The following CENPP variants were observed in gnomAD, a reference collection of about 807,000 sequenced individuals.
The protein encoded by CENPP is centromere protein P.
A neutral mutation model predicts 35.6 loss-of-function variants in CENPP; 24 were observed. The observed-to-expected ratio is 0.67, with a 90% CI of 0.49 to 0.95. CENPP has a LOEUF of 0.95. Among genes scored for constraint, CENPP ranks in the 40% least tolerant of loss-of-function variants. The pLI, the probability that CENPP is intolerant of heterozygous loss-of-function variation, is 0.00. For missense variants in CENPP, 332 were observed against 345.3 expected (o/e 0.96, Z 0.31); for synonymous variants, 120 against 125.5 (o/e 0.96, Z 0.29).
At chr9:92,370,718 G>A (rs752161776) in intron 4 of CENPP, among the ~76,000 whole-genome samples, 64 of 152,266 alleles carry the variant, frequency 4.2e-4, no homozygotes, top group Non-Finnish European at 5.9e-4. Flanking sequence ...CTGTCCTCAG[G>A]TGATCCACCT....
intron 5 of CENPP, chr9:92,457,215 A>G: frequency 6.5e-7 from 1 of 1,544,884 alleles, no homozygotes; most frequent in Non-Finnish European, 8.8e-7. Context: ...TACCATTATT[A>G]ATAGAGTTCA....
chr9:92,383,292 T>C (rs926627789), intron 5 of CENPP, among the ~76,000 whole-genome samples: 4 of 152,286 alleles, frequency 2.6e-5, no homozygotes, highest in Admixed American at 2.6e-4. Context: ...ATTCTTCTCT[T>C]TATTTGGGGG....
intron 5 of CENPP, among the ~76,000 whole-genome samples, chr9:92,598,712 A>T (rs971623014): frequency 2.0e-5 from 3 of 152,012 alleles, no homozygotes; most frequent in African/African-American, 7.3e-5. Context: ...AATGAAATTT[A>T]AATATTCAGT....
chr9:92,334,922 C>T (rs950965192), intron 2 of CENPP, among the ~76,000 whole-genome samples: 4 of 151,766 alleles, frequency 2.6e-5, no homozygotes, highest in Non-Finnish European at 5.9e-5. Context: ...TGTGGTGGCT[C>T]ATACCTGTAG....
At chr9:92,461,800 T>G (rs986715104) in intron 5 of CENPP, among the ~76,000 whole-genome samples, 3 of 152,180 alleles carry the variant, frequency 2.0e-5, no homozygotes, top group African/African-American at 7.2e-5. Flanking sequence ...TTTAGTTACT[T>G]TGTAAGATTG....
chr9:92,602,309 A>C (rs1267328914), intron 5 of CENPP, among the ~76,000 whole-genome samples: 2 of 152,210 alleles, frequency 1.3e-5, no homozygotes, highest in East Asian at 3.8e-4. Context: ...GGAATGATGG[A>C]AACGGAAAGC....
chr9:92,415,083 T>C, intron 5 of CENPP: 1 of 1,167,498 alleles, frequency 8.6e-7, no homozygotes, highest in South Asian at 1.6e-5. Context: ...GTAATACATG[T>C]TTACTTAGAT....
chr9:92,499,139 T>C (rs959049428), intron 5 of CENPP, among the ~76,000 whole-genome samples: 4 of 152,216 alleles, frequency 2.6e-5, no homozygotes, highest in African/African-American at 4.8e-5. Context: ...AAGAGCCAGT[T>C]TGAATGGCGA....
chr9:92,477,618 G>A (rs1033904151), intron 5 of CENPP, among the ~76,000 whole-genome samples: 32 of 151,870 alleles, frequency 2.1e-4, no homozygotes, highest in African/African-American at 6.8e-4. Flanking sequence ...TTATTCAGTG[G>A]GCATTTACCA....
chr9:92,613,017 A>G lies in CENPP; in HGVS notation c.737-2A>G. 6.2e-7 allele frequency: 1 copy of G among 1,614,038 alleles called. No individual in the cohort carries two copies. The highest frequency in any genetic ancestry group is 8.5e-7 in the Non-Finnish European group (1 of 1,179,986). ...TTACCCGGTTTAATGTTTTCTTTAT[A>G]GCCCTGGAGCTGGACAAGAACAGAG... On this transcript the variant is annotated splice_acceptor_variant, in intron 7 of 7. Transcript: ENST00000375587. LOFTEE classifies it high-confidence loss of function.
chr9:92,412,975 CTTTTTT>C (rs35323105), intron 5 of CENPP, among the ~76,000 whole-genome samples: 1 of 45,244 alleles, frequency 2.2e-5, no homozygotes, highest in Non-Finnish European at 3.9e-5. Context: ...TGTAACTAAG[CTTTTTT>C]TTTTTTTTTT....
intron 4 of CENPP, among the ~76,000 whole-genome samples, chr9:92,356,862 G>A (rs552572410): frequency 6.6e-5 from 10 of 152,224 alleles, no homozygotes; most frequent in Admixed American, 3.3e-4. Context: ...TTCCTCTGCC[G>A]CAGCTCCAGC....
intron 5 of CENPP, among the ~76,000 whole-genome samples, chr9:92,455,331 A>C (rs1844841522): frequency 6.6e-6 from 1 of 152,156 alleles, no homozygotes; most frequent in African/African-American, 2.4e-5. Flanking sequence ...TTGTGGCTAC[A>C]GTGTGCTATG....
intron 5 of CENPP, chr9:92,393,006 C>A: frequency 1.8e-6 from 2 of 1,126,208 alleles, no homozygotes; most frequent in Admixed American, 2.4e-5. Context: ...TGATAGGCAG[C>A]AACTATATAG....
chr9:92,385,205 A>C (rs1158619581), intron 5 of CENPP: 1 of 154,700 alleles, frequency 6.5e-6, no homozygotes, highest in African/African-American at 2.4e-5. Context: ...TAGCTTTTCA[A>C]AGTTTTTGGA....
intron 4 of CENPP, among the ~76,000 whole-genome samples, chr9:92,372,209 A>G (rs1047840541): frequency 1.1e-4 from 14 of 131,326 alleles, no homozygotes; most frequent in African/African-American, 4.1e-4. Flanking sequence ...TTTGCATGGG[A>G]TATCTTTTTC....
chr9:92,486,720 C>T (rs764810759), intron 5 of CENPP, among the ~76,000 whole-genome samples: 8 of 151,772 alleles, frequency 5.3e-5, no homozygotes, highest in South Asian at 4.2e-4. Flanking sequence ...ATGTTCATTC[C>T]GTTGAATTTA....
chr9:92,397,588 C>T (rs1189016259), intron 5 of CENPP, among the ~76,000 whole-genome samples: 1 of 152,154 alleles, frequency 6.6e-6, no homozygotes, highest in Non-Finnish European at 1.5e-5. Context: ...CCTTGGCCTC[C>T]CAGAGTGCTG....
intron 5 of CENPP, among the ~76,000 whole-genome samples, chr9:92,380,476 T>TG (rs1842218038): frequency 8.2e-6 from 1 of 121,520 alleles, no homozygotes; most frequent in African/African-American, 4.2e-5. Context: ...ACTTAAATAA[T>TG]ATTTCAGGGT....
Sources: allele counts gnomAD v4.1 joint callset (sites outside exome capture counted in the v4.1 genomes callset), GRCh38; gene constraint gnomAD v4.1.1; transcripts MANE v1.5; gene names NCBI Gene and HGNC (gene_info 2026-07-23, HGNC 2026-07-21).